The following ODR4 variants were observed in gnomAD, a reference collection of about 807,000 sequenced individuals.
ODR4 encodes the protein protein odr-4 homolog.
In ODR4, 47 loss-of-function variants were observed where a neutral mutation model predicts 60.2. The ratio of observed to expected loss-of-function variants is 0.78; its 90% CI spans 0.62 to 1.00. The LOEUF (loss-of-function observed/expected upper bound fraction) is 1.00. Among genes scored for constraint, ODR4 ranks in the 50% least tolerant of loss-of-function variants. The pLI is 0.00. For missense variants in ODR4, 488 were observed against 530.8 expected (o/e 0.92, Z 0.79); for synonymous variants, 178 against 175.5 (o/e 1.01, Z -0.11).
At chr1:186,400,054 C>G (rs2697466) in intron 11 of ODR4, among the ~76,000 whole-genome samples, 2 of 139,712 alleles carry the variant, frequency 1.4e-5, no homozygotes, top group Admixed American at 1.5e-4. Context: ...TGCAGTGGCG[C>G]GATCTCGACT....
At chr1:186,415,736 C>T (rs1558099525) in intron 12 of ODR4, among the ~76,000 whole-genome samples, 1 of 152,212 alleles carries the variant, frequency 6.6e-6, no homozygotes, top group Non-Finnish European at 1.5e-5. Flanking sequence ...TGTGTGGTCT[C>T]TGAGGATGCT....
At chr1:186,388,655 T>C in intron 5 of ODR4, 107 bp downstream of exon 5, 1 of 580,080 alleles carries the variant, frequency 1.7e-6, no homozygotes. Context: ...ATAGGCATAG[T>C]TTTGTAAGAT....
Position 186,375,973 on chromosome 1 carries a change from AG to A in ODR4, c.-20+1del, listed in dbSNP as rs960258167. The A allele has an allele frequency of 4.8e-6, 1 of 206,620 alleles. No homozygotes were observed. Among genetic ancestry groups the A allele is most frequent in the African/African-American group, 2.3e-5 (1 of 43,206 alleles). The allele number at this position is 206,620 out of a possible 1,614,324, so 12.8% of individuals were successfully genotyped here. A position where few individuals can be genotyped will look rare whatever the true frequency, so the allele number is the denominator to read the frequency against. ...TGCCACGAGTGCACATTCTGAAAAC[AG>A]GTAAGTCAGCCTAAGTGTAGTGTGT... is the stretch of plus-strand genomic sequence containing the variant. On this transcript the variant is annotated splice_region_variant and 5_prime_UTR_variant, in exon 1 of 14. Coordinates refer to ENST00000287859, the MANE Select transcript of ODR4 (RefSeq NM_017847.6).
At chr1:186,414,206 C>T (rs1382231846) in intron 12 of ODR4, among the ~76,000 whole-genome samples, 2 of 152,054 alleles carry the variant, frequency 1.3e-5, no homozygotes, top group African/African-American at 4.8e-5. Context: ...GTAAAATTAT[C>T]TCAAATTTGT....
At chr1:186,416,501 A>G (rs1297704127) in intron 12 of ODR4, among the ~76,000 whole-genome samples, 1 of 152,092 alleles carries the variant, frequency 6.6e-6, no homozygotes, top group Non-Finnish European at 1.5e-5. Flanking sequence ...GCAAAACCCC[A>G]TCTTTACTAA....
At chr1:186,418,682 C>G (rs1661677598) in intron 13 of ODR4, among the ~76,000 whole-genome samples, 1 of 152,152 alleles carries the variant, frequency 6.6e-6, no homozygotes, top group African/African-American at 2.4e-5. Flanking sequence ...ACCTACGTAG[C>G]ATAAGACAGC....
Position 186,386,011 on chromosome 1 carries a change from A to G in ODR4, c.258A>G (p.Gly86=). The change falls in exon 4 of 14, where the codon GGA becomes GGG. Residue 86 remains glycine (G), a synonymous_variant. Coordinates refer to ENST00000287859, the MANE Select transcript of ODR4 (RefSeq NM_017847.6). ...ACQVSRMLPG[G]LLVLGVFIIT... Reference sequence around the variant, plus strand: ...AGGTATCCAGAATGCTACCAGGGGGACTTTTAGTTCTTGGAGTATTTATTA... The same window carrying G: ...AGGTATCCAGAATGCTACCAGGGGGGCTTTTAGTTCTTGGAGTATTTATTA... The G allele has an allele frequency of 6.2e-7, 1 of 1,601,740 alleles. No individual in the cohort carries two copies. Among genetic ancestry groups the G allele is most frequent in the Non-Finnish European group, 8.5e-7 (1 of 1,171,834 alleles).
At chr1:186,432,729 G>A in the ODR4 span, among the ~76,000 whole-genome samples, 1 of 150,028 alleles carries the variant, frequency 6.7e-6, no homozygotes, top group South Asian at 2.1e-4. Flanking sequence ...TTTTTTTAAT[G>A]TTGTTTATTT....
At chr1:186,378,471 A>C (rs1558054683) in intron 1 of ODR4, among the ~76,000 whole-genome samples, 1 of 152,224 alleles carries the variant, frequency 6.6e-6, no homozygotes, top group African/African-American at 2.4e-5. Context: ...TTTATTCAAT[A>C]TCTTTGGTTT....
chr1:186,426,079 C>T (rs946691500), downstream of ODR4, among the ~76,000 whole-genome samples: 9 of 152,134 alleles, frequency 5.9e-5, no homozygotes, highest in African/African-American at 2.2e-4. Flanking sequence ...CTACCTTTCA[C>T]GTTACTGCAA....
intron 2 of ODR4, among the ~76,000 whole-genome samples, chr1:186,381,769 C>A (rs1313061562): frequency 6.6e-6 from 1 of 152,112 alleles, no homozygotes; most frequent in Non-Finnish European, 1.5e-5. Flanking sequence ...TGCCTGTTTC[C>A]TGGTCTCTGT....
intron 11 of ODR4, among the ~76,000 whole-genome samples, chr1:186,405,843 C>T (rs1371578797): frequency 1.3e-5 from 2 of 152,038 alleles, no homozygotes; most frequent in Non-Finnish European, 2.9e-5. Context: ...TGAGCCACCG[C>T]GCCTGGAGAT....
intron 11 of ODR4, among the ~76,000 whole-genome samples, chr1:186,403,443 A>C (rs1229158873): frequency 1.3e-5 from 2 of 151,962 alleles, no homozygotes; most frequent in Non-Finnish European, 2.9e-5. Context: ...TTTTATCCTC[A>C]TTTTACTTTG....
intron 9 of ODR4, among the ~76,000 whole-genome samples, chr1:186,394,228 C>G (rs1302948193): frequency 6.6e-6 from 1 of 151,908 alleles, no homozygotes; most frequent in East Asian, 1.9e-4. Context: ...ATTTTAACAT[C>G]AATAGATAGC....
the ODR4 span, among the ~76,000 whole-genome samples, chr1:186,433,852 T>C: frequency 2.6e-5 from 4 of 152,198 alleles, no homozygotes; most frequent in African/African-American, 7.2e-5. Context: ...GTGCTGGGAT[T>C]ATAGGCATGA....
At chr1:186,392,243 A>G (rs1660497069) in intron 8 of ODR4, among the ~76,000 whole-genome samples, 1 of 152,212 alleles carries the variant, frequency 6.6e-6, no homozygotes, top group African/African-American at 2.4e-5. Context: ...TCAAAGACCT[A>G]AAAACAGAGA....
chr1:186,419,020 G>A lies in ODR4; in HGVS notation c.1309G>A (p.Ala437Thr). Residue 437 changes from alanine to threonine, a missense_variant, in exon 14 of 14, where the codon GCA (alanine) becomes ACA (threonine). Ala to Thr is a moderately conservative substitution (Grantham distance 58). Coordinates refer to ENST00000287859, the MANE Select transcript of ODR4 (RefSeq NM_017847.6). ...KIQQNIGVIA[A>T]FTVAVLAAGI... ...TGTTTTACTTTTAGGTGTGATTGCAGCATTTACAGTTGCAGTCCTTGCTGC... is the reference window on the plus strand; with the variant it reads ...TGTTTTACTTTTAGGTGTGATTGCAACATTTACAGTTGCAGTCCTTGCTGC... 1 of 1,607,824 alleles carries A rather than the reference G, an allele frequency of 6.2e-7. No homozygotes were observed. Among genetic ancestry groups the A allele is most frequent in the Middle Eastern group, 1.7e-4 (1 of 6,058 alleles).
At chr1:186,409,323 G>A (rs899651342) in intron 12 of ODR4, among the ~76,000 whole-genome samples, 5 of 152,120 alleles carry the variant, frequency 3.3e-5, no homozygotes, top group Non-Finnish European at 5.9e-5. Context: ...TCATGAAACC[G>A]TTACATGTGC....
At chr1:186,410,634 TTAA>T (rs1361206018) in intron 12 of ODR4, among the ~76,000 whole-genome samples, 4 of 152,222 alleles carry the variant, frequency 2.6e-5, no homozygotes, top group Admixed American at 1.3e-4. Flanking sequence ...AGTGATTTGG[TTAA>T]TAATTTAATC....
Sources: gnomAD v4.1 joint callset for allele counts (sites outside exome capture counted in the v4.1 genomes callset) on GRCh38, gnomAD v4.1.1 for gene constraint, MANE v1.5 for transcripts, NCBI Gene and HGNC (gene_info 2026-07-23, HGNC 2026-07-21) for gene names.